CFAP77: variants seen among roughly 807,000 people sequenced by gnomAD.
CFAP77 encodes cilia- and flagella-associated protein 77.
A neutral mutation model predicts 31.1 loss-of-function variants in CFAP77; 25 were observed. The ratio of observed to expected loss-of-function variants is 0.80; its 90% CI spans 0.59 to 1.12. The LOEUF is 1.12. CFAP77 is among the 50% of genes most tolerant of loss of function. CFAP77 has a pLI of 0.00. For missense variants in CFAP77, 377 were observed against 397.3 expected, an observed-to-expected ratio of 0.95 and a Z score of 0.44; for synonymous variants, 151 against 159.9, an observed-to-expected ratio of 0.94 and a Z score of 0.42.
At chr9:132,519,652 A>C (rs1181261197) in intron 3 of CFAP77, among the ~76,000 whole-genome samples, 1 of 82,608 alleles carries the variant, frequency 1.2e-5, no homozygotes, top group Non-Finnish European at 2.5e-5. Flanking sequence ...AGATGGATGG[A>C]TGGATGGATG....
Position 132,517,305 on chromosome 9 carries a change from G to C in CFAP77, c.524+17705G>C, listed in dbSNP as rs1476798139. The stretch of plus-strand genomic sequence containing the variant: ...GGAGCAGCAGACTGCTGGCATATTA[G>C]AGATGGATTTTAATTTTATTTTAAC... On this transcript the variant is annotated intron_variant, in intron 3 of 5. Coordinates refer to ENST00000393216, the MANE Select transcript of CFAP77 (RefSeq NM_001282957.2). This position sits in a 1 kb window ranked among gnomAD's most constrained non-coding sequence, Gnocchi z 4.7. Among the ~76,000 whole-genome samples the C allele has an allele frequency of 2.0e-5, 3 of 152,172 alleles. No individual in the cohort carries two copies. The highest frequency in any genetic ancestry group is 4.4e-5 in the Non-Finnish European group (3 of 68,030).
Position 132,572,712 on chromosome 9 carries a change from A to C in CFAP77, c.*202A>C. On this transcript the variant is annotated 3_prime_UTR_variant, in exon 6 of 6. Transcript: ENST00000393216. ...CCAACATTAGTCTCCACTTAGCCCC[A>C]GTGACCCTCTACCTGGAGCCTCCTC... The C allele has an allele frequency of 1.7e-6, 1 of 574,816 alleles. No individual in the cohort carries two copies. The allele number at this position is 574,816 out of a possible 1,614,324, so 35.6% of individuals were successfully genotyped here.
At chr9:132,522,143 G>A (rs1161728127) in intron 3 of CFAP77, among the ~76,000 whole-genome samples, 8 of 152,168 alleles carry the variant, frequency 5.3e-5, no homozygotes, top group Admixed American at 5.2e-4. Flanking sequence ...AGGGTCCAAG[G>A]ACAAAGGACG....
At position 132,497,977 on chromosome 9, in the gene CFAP77, C is replaced by T. The variant is rs895373134; in HGVS notation, c.196-718C>T. On this transcript the variant is annotated intron_variant, in intron 1 of 5. Coordinates refer to ENST00000393216, the MANE Select transcript of CFAP77 (RefSeq NM_001282957.2). The surrounding 1 kb of genome is among the most constrained non-coding windows in gnomAD (Gnocchi z 4.9). ...GATGCCCTGCCCAGCGCTTGGGGGCCGGGGATATCGACCCTGCCTCTCTAG... is the reference window on the plus strand; with the variant it reads ...GATGCCCTGCCCAGCGCTTGGGGGCTGGGGATATCGACCCTGCCTCTCTAG... Among the ~76,000 whole-genome samples, 13 of 151,974 alleles carry T rather than the reference C, an allele frequency of 8.6e-5. No homozygotes were observed. Among genetic ancestry groups the T allele is most frequent in the Non-Finnish European group, 1.5e-4 (10 of 67,990 alleles).
At chr9:132,514,875 G>A (rs1852118663) in intron 3 of CFAP77, among the ~76,000 whole-genome samples, 2 of 152,170 alleles carry the variant, frequency 1.3e-5, no homozygotes, top group African/African-American at 4.8e-5. Context: ...AGGCCCTGGA[G>A]CCAAGGGGTG....
intron 5 of CFAP77, among the ~76,000 whole-genome samples, chr9:132,558,843 G>A (rs1315006017): frequency 3.4e-5 from 5 of 148,296 alleles, no homozygotes; most frequent in African/African-American, 1.0e-4. Flanking sequence ...TTGAAACCCC[G>A]TCTCTACTAA....
At chr9:132,486,124 G>T (rs752876751) in intron 1 of CFAP77, among the ~76,000 whole-genome samples, 1 of 92,986 alleles carries the variant, frequency 1.1e-5, no homozygotes, top group Non-Finnish European at 2.1e-5. Context: ...ACGGAGTCTT[G>T]TTCTGTCGCC....
intron 1 of CFAP77, among the ~76,000 whole-genome samples, chr9:132,415,263 C>G (rs2131674333): frequency 6.6e-6 from 1 of 152,300 alleles, no homozygotes; most frequent in Non-Finnish European, 1.5e-5. Flanking sequence ...AACTCTCTCC[C>G]TCGTGGCCCT....
chr9:132,514,506 A>AT (rs1329279339), intron 3 of CFAP77, among the ~76,000 whole-genome samples: 4 of 152,028 alleles, frequency 2.6e-5, no homozygotes, highest in African/African-American at 9.7e-5. Context: ...CGGAGCCAGG[A>AT]TCCCCCTGCC....
chr9:132,525,683 G>T (rs1852346340), intron 3 of CFAP77, among the ~76,000 whole-genome samples: 2 of 151,384 alleles, frequency 1.3e-5, no homozygotes, highest in Admixed American at 1.3e-4. Flanking sequence ...GTGTAGATTT[G>T]TGTGACACAA....
At chr9:132,529,915 T>G (rs1165945222) in intron 3 of CFAP77, among the ~76,000 whole-genome samples, 1 of 152,014 alleles carries the variant, frequency 6.6e-6, no homozygotes, top group Non-Finnish European at 1.5e-5. Context: ...TCACCAGCAG[T>G]GCATGGGAGC....
chr9:132,435,584 G>GC (rs1488770905), intron 1 of CFAP77, among the ~76,000 whole-genome samples: 2 of 152,288 alleles, frequency 1.3e-5, no homozygotes, highest in East Asian at 1.9e-4. Flanking sequence ...GAAAGGCTTG[G>GC]CCCCTGGGGT....
chr9:132,528,657 C>G (rs1340089293), intron 3 of CFAP77, among the ~76,000 whole-genome samples: 2 of 81,888 alleles, frequency 2.4e-5, no homozygotes, highest in African/African-American at 4.6e-5. Context: ...AACAAATTTA[C>G]AAGAAAAAAA....
chr9:132,438,992 C>G (rs1348239470), intron 1 of CFAP77, among the ~76,000 whole-genome samples: 1 of 151,774 alleles, frequency 6.6e-6, no homozygotes, highest in Non-Finnish European at 1.5e-5. Flanking sequence ...TCTCCCACCT[C>G]AGCCTCCTGA....
intron 1 of CFAP77, among the ~76,000 whole-genome samples, chr9:132,428,815 C>G (rs1006141353): frequency 2.0e-5 from 3 of 151,826 alleles, no homozygotes; most frequent in African/African-American, 7.3e-5. Context: ...TTTGAAGACC[C>G]CCCCCTGCTC....
chr9:132,459,564 A>AGCATGTGT (rs1253370772), intron 1 of CFAP77, among the ~76,000 whole-genome samples: 1 of 142,404 alleles, frequency 7.0e-6, no homozygotes, highest in East Asian at 2.1e-4. Flanking sequence ...TATGTGTGTG[A>AGCATGTGT]GCATGTGTGC....
At chr9:132,466,023 G>A (rs76246622) in intron 1 of CFAP77, among the ~76,000 whole-genome samples, 6 of 152,184 alleles carry the variant, frequency 3.9e-5, no homozygotes, top group Non-Finnish European at 5.9e-5. Flanking sequence ...AATCCATGGC[G>A]GGGGAGCTTA....
intron 5 of CFAP77, among the ~76,000 whole-genome samples, chr9:132,558,460 T>C (rs1337152504): frequency 6.6e-6 from 1 of 152,082 alleles, no homozygotes; most frequent in African/African-American, 2.4e-5. Flanking sequence ...ATCCCAGCAC[T>C]TTGGGAGGCA....
At chr9:132,506,452 G>A (rs935377633) in intron 3 of CFAP77, among the ~76,000 whole-genome samples, 3 of 152,128 alleles carry the variant, frequency 2.0e-5, no homozygotes, top group Non-Finnish European at 4.4e-5. Flanking sequence ...GGATGGCGGG[G>A]AGGGGAGGAG....
Sources: allele counts gnomAD v4.1 joint callset (sites outside exome capture counted in the v4.1 genomes callset), GRCh38; gene constraint gnomAD v4.1.1; non-coding constraint Gnocchi (gnomAD v3.1); transcripts MANE v1.5; gene names NCBI Gene and HGNC (gene_info 2026-07-23, HGNC 2026-07-21).